The following DMD variants were observed in gnomAD, a reference collection of about 807,000 sequenced individuals.
DMD encodes mutant dystrophin.
DMD carries 63 observed loss-of-function variants against 330.1 expected under a neutral mutation model. The ratio of observed to expected loss-of-function variants is 0.19; its 90% CI spans 0.16 to 0.24. The LOEUF (loss-of-function observed/expected upper bound fraction) is 0.24. Among genes scored for constraint, DMD ranks in the 10% least tolerant of loss-of-function variants. DMD has a pLI of 1.00. For missense variants in DMD, 3,344 were observed against 2,684.1 expected, an observed-to-expected ratio of 1.25 and a Z score of -5.43; for synonymous variants, 1,223 against 959.8, an observed-to-expected ratio of 1.27 and a Z score of -5.07.
chrX:32,506,243 G>A (rs2044605674), intron 18 of DMD, among the ~76,000 whole-genome samples: 1 of 110,831 alleles, frequency 9.0e-6, no homozygotes, highest in East Asian at 2.8e-4. Flanking sequence ...AGTGGGAAAT[G>A]TTGACAGTGG....
chrX:32,178,940 TTCTCTCTCTCTC>T lies in DMD; in HGVS notation c.6438+37964_6438+37975del, dbSNP rs528690053. ...TTAGCCCTTCCATAGAAACCCCAGA[TTCTCTCTCTCTC>T]TCTCTCTCTCTCTCTCTCTCTCTCT... On this transcript the variant is annotated intron_variant, in intron 44 of 78. Transcript: ENST00000357033. 2.9e-3 allele frequency among the ~76,000 whole-genome samples: 196 copies of T among 68,606 alleles called. 1 individual carries two copies. Among genetic ancestry groups the T allele is most frequent in the African/African-American group, 4.1e-3 (72 of 17,458 alleles). 59.6% of individuals were successfully genotyped at this position (68,606 alleles called of 115,157 possible).
intron 44 of DMD, among the ~76,000 whole-genome samples, chrX:32,126,048 G>T (rs959666341): frequency 2.7e-5 from 3 of 111,979 alleles, no homozygotes; most frequent in African/African-American, 9.7e-5. Context: ...CCCTTCCTGA[G>T]TGTTAGCAAA....
intron 7 of DMD, among the ~76,000 whole-genome samples, chrX:32,746,126 G>C (rs936739037): frequency 4.5e-5 from 5 of 111,741 alleles, no homozygotes; most frequent in African/African-American, 1.6e-4. Context: ...ACATGACTTG[G>C]TCCTGTTCTC....
intron 53 of DMD, among the ~76,000 whole-genome samples, chrX:31,668,555 G>A (rs947420912): frequency 1.1e-4 from 12 of 110,953 alleles, no homozygotes; most frequent in African/African-American, 3.9e-4. Context: ...ACTGTGGAAT[G>A]ATTATATCGA....
intron 44 of DMD, among the ~76,000 whole-genome samples, chrX:32,024,321 C>A (rs1333638291): frequency 1.8e-5 from 2 of 109,182 alleles, no homozygotes; most frequent in African/African-American, 6.7e-5. Context: ...CCTGTCTCTA[C>A]TGAAAACACA....
intron 1 of DMD, chrX:33,041,701 T>G (rs1241009452): frequency 2.5e-6 from 3 of 1,205,787 alleles, no homozygotes; most frequent in East Asian, 5.9e-5. Flanking sequence ...AGTACTGGAT[T>G]CAGTGAAGTT....
intron 1 of DMD, among the ~76,000 whole-genome samples, chrX:33,079,896 T>C (rs1333355114): frequency 1.8e-5 from 2 of 111,847 alleles, no homozygotes; most frequent in East Asian, 5.7e-4. Context: ...TTGTCTCTTC[T>C]CTCTCCCCTT....
chrX:32,514,613 C>T (rs1017835963), intron 18 of DMD, among the ~76,000 whole-genome samples: 1 of 111,800 alleles, frequency 8.9e-6, no homozygotes. Flanking sequence ...TGGTGGCGGG[C>T]GCCTGTAGTC....
In DMD at chrX:31,879,688, TA is replaced by T. The variant is rs200205562; in HGVS notation, c.6913-4316del. On this transcript the variant is annotated intron_variant, in intron 47 of 78. Coordinates refer to ENST00000357033, the MANE Select transcript of DMD (RefSeq NM_004006.3). ...GTGGAAATCAAGAACTTTTAACACA[TA>T]TTTTTTTTGTGCTCTTCTGCACTTT... is the stretch of plus-strand genomic sequence containing the variant. 0.017 allele frequency among the ~76,000 whole-genome samples: 1,848 copies of T among 111,915 alleles called. 36 individuals carry two copies. The highest frequency in any genetic ancestry group is 0.057 in the African/African-American group (1,748 of 30,813).
At chrX:32,454,516 C>G (rs2098347378) in intron 26 of DMD, 146 bp downstream of exon 26, 2 of 470,892 alleles carry the variant, frequency 4.2e-6, no homozygotes, top group East Asian at 3.8e-5. Flanking sequence ...AAACTTGAAG[C>G]TAAATTAAAA....
At chrX:33,057,401 T>C (rs1018133995) in intron 1 of DMD, among the ~76,000 whole-genome samples, 2 of 110,475 alleles carry the variant, frequency 1.8e-5, no homozygotes, top group African/African-American at 6.6e-5. Flanking sequence ...GTAACTAATC[T>C]TTTTTTTTGT....
intron 74 of DMD, among the ~76,000 whole-genome samples, chrX:31,159,585 C>A (rs934506460): frequency 9.0e-6 from 1 of 111,475 alleles, no homozygotes; most frequent in Non-Finnish European, 1.9e-5. Context: ...CCTTGGTCTT[C>A]TTCTTACACA....
intron 1 of DMD, among the ~76,000 whole-genome samples, chrX:33,084,866 C>G (rs1367220462): frequency 9.0e-6 from 1 of 111,180 alleles, no homozygotes; most frequent in African/African-American, 3.3e-5. Context: ...AAGATGGAGT[C>G]AGTTAAGTTA....
At chrX:32,120,738 T>C (rs10127060) in intron 44 of DMD, among the ~76,000 whole-genome samples, 17,330 of 111,590 alleles carry the variant, frequency 0.16, 1,053 homozygotes, top group Middle Eastern at 0.18. Flanking sequence ...CAAATTCAGT[T>C]GGGATTATTT....
intron 9 of DMD, among the ~76,000 whole-genome samples, chrX:32,665,170 C>T (rs1244266439): frequency 8.9e-6 from 1 of 111,799 alleles, no homozygotes; most frequent in East Asian, 2.8e-4. Context: ...CAACATATAT[C>T]AGGATACTGG....
At chrX:32,930,721 A>G (rs750152503) in intron 2 of DMD, among the ~76,000 whole-genome samples, 36 of 109,960 alleles carry the variant, frequency 3.3e-4, no homozygotes, top group Non-Finnish European at 1.1e-4. Flanking sequence ...CATAACCCCA[A>G]TTCTTCATTT....
chrX:31,782,661 A>G (rs1192473357), intron 50 of DMD, among the ~76,000 whole-genome samples: 1 of 111,943 alleles, frequency 8.9e-6, no homozygotes, highest in Non-Finnish European at 1.9e-5. Flanking sequence ...AGCAATAGAT[A>G]GCTGACACAG....
chrX:33,321,673 A>G (rs1411466437), intron 1 of DMD, among the ~76,000 whole-genome samples: 1 of 112,101 alleles, frequency 8.9e-6, no homozygotes, highest in African/African-American at 3.2e-5. Context: ...TGTCCTTTGA[A>G]GCTTTGAAGC....
At chrX:32,918,184 G>A (rs1470155816) in intron 2 of DMD, among the ~76,000 whole-genome samples, 2 of 110,531 alleles carry the variant, frequency 1.8e-5, no homozygotes, top group Non-Finnish European at 3.8e-5. Context: ...TTGGACATAC[G>A]CATACACACC....
Sources: gnomAD v4.1 joint callset for allele counts (sites outside exome capture counted in the v4.1 genomes callset) on GRCh38, gnomAD v4.1.1 for gene constraint, MANE v1.5 for transcripts, NCBI Gene and HGNC (gene_info 2026-07-23, HGNC 2026-07-21) for gene names.